The following GNA14 variants were observed in gnomAD, a reference collection of about 807,000 sequenced individuals.
GNA14 encodes the protein guanine nucleotide-binding protein subunit alpha-14.
GNA14 carries 50 observed loss-of-function variants against 42.0 expected under a neutral mutation model. That is an observed-to-expected ratio of 1.19 (90% confidence interval 0.95 to 1.51). GNA14 has a LOEUF of 1.51. GNA14 is among the 40% of genes most tolerant of loss of function. The probability of loss-of-function intolerance (pLI) is 0.00; values close to 1 mark genes in which losing one functional copy is unlikely to be tolerated. For synonymous variants in GNA14, 173 were observed against 163.1 expected (o/e 1.06, Z -0.46); for missense variants, 473 against 446.2 (o/e 1.06, Z -0.54).
intron 1 of GNA14, among the ~76,000 whole-genome samples, chr9:77,595,879 A>AT (rs935959166): frequency 5.0e-4 from 76 of 152,090 alleles, no homozygotes; most frequent in African/African-American, 1.7e-3. Context: ...GACTGGGCTA[A>AT]TTTTTTTTAA....
intron 1 of GNA14, among the ~76,000 whole-genome samples, chr9:77,529,523 C>T (rs1422314458): frequency 6.6e-6 from 1 of 152,138 alleles, no homozygotes; most frequent in Non-Finnish European, 1.5e-5. Context: ...TCTGAAAGAC[C>T]TAAGCATTTG....
At chr9:77,514,542 A>C (rs1466216736) in intron 2 of GNA14, among the ~76,000 whole-genome samples, 2 of 152,102 alleles carry the variant, frequency 1.3e-5, no homozygotes, top group Non-Finnish European at 2.9e-5. Context: ...CACTGGAAAG[A>C]GTATCTAACC....
At chr9:77,647,180 C>G (rs1480107168) in intron 1 of GNA14, among the ~76,000 whole-genome samples, 2 of 152,202 alleles carry the variant, frequency 1.3e-5, no homozygotes, top group Non-Finnish European at 2.9e-5. Flanking sequence ...TCTAGAATAG[C>G]GATATCACCT....
intron 2 of GNA14, among the ~76,000 whole-genome samples, chr9:77,492,405 C>T (rs1836790096): frequency 6.6e-6 from 1 of 151,190 alleles, no homozygotes. Context: ...ATAAAATTGG[C>T]AAACCTTTAG....
At chr9:77,472,954 G>A (rs1460745735) in intron 2 of GNA14, among the ~76,000 whole-genome samples, 2 of 152,128 alleles carry the variant, frequency 1.3e-5, no homozygotes, top group African/African-American at 4.8e-5. Flanking sequence ...ATAAATGTCT[G>A]TTGTATAAGT....
chr9:77,452,749 C>A (rs989874979), intron 2 of GNA14, among the ~76,000 whole-genome samples: 30 of 150,602 alleles, frequency 2.0e-4, no homozygotes, highest in African/African-American at 6.9e-4. Flanking sequence ...GAACTCTCAT[C>A]CCCAACGTGG....
intron 1 of GNA14, among the ~76,000 whole-genome samples, chr9:77,555,864 G>A (rs1822768088): frequency 6.6e-6 from 1 of 152,206 alleles, no homozygotes; most frequent in African/African-American, 2.4e-5. Context: ...ATGGATCTTA[G>A]AAAGCAGTGC....
chr9:77,496,203 T>C (rs542607641), intron 2 of GNA14, among the ~76,000 whole-genome samples: 36 of 152,360 alleles, frequency 2.4e-4, no homozygotes, highest in Middle Eastern at 3.4e-3. Flanking sequence ...GGAAAAGTAC[T>C]GTTTCTGAAA....
At position 77,425,812 on chromosome 9, in the gene GNA14, G is replaced by A. The variant is rs1049463960; in HGVS notation, c.724-97C>T. ...GTCCATCCATCTCTTCCCTTGCCCC[G>A]CCGCAGTCTCTGGGCCACTGTCTGC... On this transcript the variant is annotated intron_variant, in intron 5 of 6. Transcript: ENST00000341700. 5.1e-5 allele frequency: 48 copies of A among 936,490 alleles called. 1 individual carries two copies. Among genetic ancestry groups the A allele is most frequent in the Admixed American group, 3.7e-4 (16 of 43,614 alleles). The allele number at this position is 936,490 out of a possible 1,614,324, so 58.0% of individuals were successfully genotyped here. A position where few individuals can be genotyped will look rare whatever the true frequency, so the allele number is the denominator to read the frequency against.
In GNA14 at chr9:77,620,848, C is replaced by CAAA. The variant is rs35141766; in HGVS notation, c.124+26819_124+26821dup. Reference sequence around the variant, plus strand: ...GGGCAACAGAGGGAGAATCTTGTCTCAAAAAAAAAAAAAAAAAAAAAAAAA... The same window carrying CAAA: ...GGGCAACAGAGGGAGAATCTTGTCTCAAAAAAAAAAAAAAAAAAAAAAAAAAAA... On this transcript the variant is annotated intron_variant, in intron 1 of 6. Transcript: ENST00000341700. 1.4e-3 allele frequency among the ~76,000 whole-genome samples: 103 copies of CAAA among 73,988 alleles called. 1 individual carries two copies. Among genetic ancestry groups the CAAA allele is most frequent in the African/African-American group, 3.8e-3 (78 of 20,676 alleles). The allele number at this position is 73,988 out of a possible 152,430, so 48.5% of individuals were successfully genotyped here.
intron 1 of GNA14, among the ~76,000 whole-genome samples, chr9:77,534,352 A>G (rs1223037994): frequency 6.6e-6 from 1 of 152,264 alleles, no homozygotes; most frequent in East Asian, 1.9e-4. Flanking sequence ...TGAAACTCAT[A>G]TAAGTACAAA....
intron 2 of GNA14, among the ~76,000 whole-genome samples, chr9:77,511,485 G>A (rs961824912): frequency 6.6e-6 from 1 of 152,188 alleles, no homozygotes; most frequent in African/African-American, 2.4e-5. Context: ...TGTGTGTCCT[G>A]CAAAGATAGG....
At chr9:77,536,519 T>C (rs985800959) in intron 1 of GNA14, among the ~76,000 whole-genome samples, 2 of 152,102 alleles carry the variant, frequency 1.3e-5, no homozygotes, top group African/African-American at 4.8e-5. Flanking sequence ...CCTGGCTAAT[T>C]TTTGTATTTT....
intron 2 of GNA14, among the ~76,000 whole-genome samples, chr9:77,515,960 CAAA>C (rs1158448237): frequency 6.6e-4 from 35 of 52,738 alleles, no homozygotes; most frequent in East Asian, 3.6e-3. Flanking sequence ...CCCTGTCTCA[CAAA>C]AAAAAAAAAA....
rs552995324 is a variant in GNA14, at chr9:77,431,399, T to C, written c.515A>G (p.Gln172Arg). 7.4e-6 allele frequency: 12 copies of C among 1,613,688 alleles called. No individual in the cohort carries two copies. The South Asian group carries it at 1.3e-4, about 18-fold the overall frequency. The change falls in exon 4 of 7, where the codon CAA becomes CGA. Residue 172 changes from glutamine (Q) to arginine (R), a missense_variant. Physicochemically the swap from Gln to Arg is conservative, Grantham distance 43. Transcript: ENST00000341700. Reference protein sequence around the residue: ...RIATPSFVPTQQDVLRVRVPT... With the variant: ...RIATPSFVPTRQDVLRVRVPT... ...CACTCGGACGCGAAGCACATCTTGT[T>C]GGGTAGGCACGAATGATGGTGTGGC...
At chr9:77,620,102 G>GCA (rs144037214) in intron 1 of GNA14, among the ~76,000 whole-genome samples, 3,167 of 150,864 alleles carry the variant, frequency 0.021, 55 homozygotes, top group African/African-American at 0.049. Context: ...ACACACACGT[G>GCA]CACACACACA....
rs1335577115 is a variant in GNA14, at chr9:77,478,713, T to C, written c.310-44191A>G. Among the ~76,000 whole-genome samples the C allele has an allele frequency of 6.6e-5, 10 of 152,094 alleles. No individual in the cohort carries two copies. The South Asian group carries it at 8.3e-4, about 13-fold the overall frequency. ...TGTTGTTTCCTGACTTTTTAATGATTGCCATTCTAACTGGTGTGAGATGGT... is the reference window on the plus strand; with the variant it reads ...TGTTGTTTCCTGACTTTTTAATGATCGCCATTCTAACTGGTGTGAGATGGT... On this transcript the variant is annotated intron_variant, in intron 2 of 6. Transcript: ENST00000341700.
intron 1 of GNA14, among the ~76,000 whole-genome samples, chr9:77,553,956 G>A (rs944199604): frequency 6.6e-6 from 1 of 152,192 alleles, no homozygotes; most frequent in Non-Finnish European, 1.5e-5. Flanking sequence ...GAAAATCAAT[G>A]CAGATGAATA....
At chr9:77,530,491 G>A (rs1837510543) in intron 1 of GNA14, among the ~76,000 whole-genome samples, 1 of 152,120 alleles carries the variant, frequency 6.6e-6, no homozygotes, top group African/African-American at 2.4e-5. Context: ...CCCAGTCTCA[G>A]GGATTTCTTC....
Sources: gnomAD v4.1 joint callset for allele counts (sites outside exome capture counted in the v4.1 genomes callset) on GRCh38, gnomAD v4.1.1 for gene constraint, MANE v1.5 for transcripts, NCBI Gene and HGNC (gene_info 2026-07-23, HGNC 2026-07-21) for gene names.